Variants in SLC36A1 observed in about 807,000 individuals in gnomAD.
SLC36A1 encodes solute carrier family 36 member 1.
A neutral mutation model predicts 47.5 loss-of-function variants in SLC36A1; 30 were observed. That is an observed-to-expected ratio of 0.63 (90% CI 0.47 to 0.86). SLC36A1 has a LOEUF of 0.86. Ranked by LOEUF, SLC36A1 falls within the 40% of genes least tolerant of loss-of-function variation. SLC36A1 has a pLI of 0.00. For synonymous variants in SLC36A1, 255 were observed against 249.7 expected (o/e 1.02, Z -0.20); for missense variants, 517 against 606.0 (o/e 0.85, Z 1.54).
chr5:151,553,255 C>G, the SLC36A1 span: 2 of 1,614,250 alleles, frequency 1.2e-6, no homozygotes, highest in Non-Finnish European at 1.7e-6. Context: ...GGGTCCGTCT[C>G]CATGACCGTA....
chr5:151,398,167 C>A, the SLC36A1 span, among the ~76,000 whole-genome samples: 1 of 152,264 alleles, frequency 6.6e-6, no homozygotes, highest in East Asian at 1.9e-4. Context: ...ACGCAGCAAC[C>A]ATTGCCCCTT....
chr5:151,515,359 A>G, the SLC36A1 span, among the ~76,000 whole-genome samples: 119,744 of 152,118 alleles, frequency 0.79, 47,598 homozygotes, highest in East Asian at 0.96. Context: ...TTCAATCTAC[A>G]TTGCTTGGTG....
At chr5:151,481,925 A>G (rs1037753192) in intron 10 of SLC36A1, among the ~76,000 whole-genome samples, 3 of 152,152 alleles carry the variant, frequency 2.0e-5, no homozygotes, top group Admixed American at 1.3e-4. Context: ...GAGTTGTAGG[A>G]TCAACGGTTT....
At chr5:151,528,143 G>T in the SLC36A1 span, 2 of 1,613,044 alleles carry the variant, frequency 1.2e-6, no homozygotes, top group East Asian at 2.2e-5. Flanking sequence ...CCTGCGGTGG[G>T]GTAGGGGGAT....
the SLC36A1 span, chr5:151,512,915 G>T: frequency 2.6e-6 from 1 of 385,766 alleles, no homozygotes; most frequent in South Asian, 3.4e-5. This position sits in a 1 kb window ranked among gnomAD's most constrained non-coding sequence, Gnocchi z 4.1. Flanking sequence ...CTTCTTCACA[G>T]GCCTGTCCAG....
chr5:151,397,710 G>C, the SLC36A1 span, among the ~76,000 whole-genome samples: 410 of 133,870 alleles, frequency 3.1e-3, 4 homozygotes, highest in African/African-American at 0.012. Flanking sequence ...GTTGCAGTGA[G>C]CTGAGATCAC....
the SLC36A1 span, chr5:151,380,396 A>G: frequency 5.2e-6 from 2 of 385,046 alleles, no homozygotes; most frequent in Admixed American, 6.7e-5. Context: ...AGGAAAAACA[A>G]GAGCGTGTGG....
At chr5:151,409,706 C>G in the SLC36A1 span, among the ~76,000 whole-genome samples, 1 of 152,176 alleles carries the variant, frequency 6.6e-6, no homozygotes, top group African/African-American at 2.4e-5. Flanking sequence ...GTGTGCACAT[C>G]AGACTTTGAG....
At chr5:151,536,802 C>T in the SLC36A1 span, among the ~76,000 whole-genome samples, 12 of 152,174 alleles carry the variant, frequency 7.9e-5, no homozygotes, top group Non-Finnish European at 1.6e-4. Flanking sequence ...TGTTCTTGGC[C>T]ATGACACTCA....
the SLC36A1 span, chr5:151,543,300 G>T: frequency 6.2e-7 from 1 of 1,614,172 alleles, no homozygotes; most frequent in South Asian, 1.1e-5. Flanking sequence ...CTGCATCATA[G>T]GCCAACACCT....
chr5:151,521,534 C>G, the SLC36A1 span: 5 of 1,614,220 alleles, frequency 3.1e-6, no homozygotes, highest in Non-Finnish European at 4.2e-6. Context: ...GAATGCCCCT[C>G]AAAGACCAGG....
At chr5:151,458,364 C>CACGT (rs57654042) in intron 1 of SLC36A1, among the ~76,000 whole-genome samples, 1 of 139,456 alleles carries the variant, frequency 7.2e-6, no homozygotes, top group Non-Finnish European at 1.5e-5. Flanking sequence ...TATACACACA[C>CACGT]GATTGAACTA....
the SLC36A1 span, chr5:151,545,027 C>G: frequency 6.2e-7 from 1 of 1,614,214 alleles, no homozygotes; most frequent in Non-Finnish European, 8.5e-7. Flanking sequence ...TCATGAGTGT[C>G]CTGCTGCTCC....
chr5:151,429,058 C>T, the SLC36A1 span, among the ~76,000 whole-genome samples: 1 of 152,174 alleles, frequency 6.6e-6, no homozygotes, highest in Non-Finnish European at 1.5e-5. Context: ...CTGCTCTGCA[C>T]AGGATTGTAG....
At chr5:151,498,176 C>T in the SLC36A1 span, among the ~76,000 whole-genome samples, 15 of 152,056 alleles carry the variant, frequency 9.9e-5, no homozygotes, top group Non-Finnish European at 1.9e-4. Context: ...AACTCCTGAC[C>T]TCAGGTGATC....
At chr5:151,440,366 A>G (rs1355718464) in intron 1 of SLC36A1, among the ~76,000 whole-genome samples, 1 of 152,148 alleles carries the variant, frequency 6.6e-6, no homozygotes, top group African/African-American at 2.4e-5. Context: ...AAACCTGAGA[A>G]TTTTAGAGTT....
the SLC36A1 span, chr5:151,551,485 G>T: frequency 4.3e-6 from 7 of 1,614,156 alleles, no homozygotes; most frequent in Non-Finnish European, 5.1e-6. Context: ...CAATGGTGCG[G>T]GACCCATCTG....
the SLC36A1 span, chr5:151,506,157 T>A: frequency 6.7e-7 from 1 of 1,483,462 alleles, no homozygotes; most frequent in Non-Finnish European, 8.9e-7. Flanking sequence ...TTCAGCTGGC[T>A]CTATAGCAAC....
chr5:151,367,361 A>ATTTTTTTTTTTTTTTTTTTT, the SLC36A1 span, among the ~76,000 whole-genome samples: 1,294 of 118,434 alleles, frequency 0.011, 43 homozygotes, highest in Non-Finnish European at 0.016. Context: ...CCAGGAATGC[A>ATTTTTTTTTTTTTTTTTTTT]TTTTTTTTTT....
Sources: gnomAD v4.1 joint callset for allele counts (sites outside exome capture counted in the v4.1 genomes callset) on GRCh38, gnomAD v4.1.1 for gene constraint, Gnocchi (gnomAD v3.1) non-coding constraint, MANE v1.5 for transcripts, NCBI Gene and HGNC (gene_info 2026-07-23, HGNC 2026-07-21) for gene names.